Variants in VPS39 observed in about 807,000 individuals in gnomAD.
The protein encoded by VPS39 is vam6/Vps39-like protein.
In VPS39, 70 loss-of-function variants were observed where a neutral mutation model predicts 121.0. That is an observed-to-expected ratio of 0.58 (90% CI 0.48 to 0.71). The LOEUF is 0.71. VPS39 is among the 30% of genes least tolerant of loss of function. VPS39 has a pLI of 0.00. For missense variants in VPS39, 818 were observed against 1,051.5 expected (o/e 0.78, Z 3.07); for synonymous variants, 378 against 398.1 (o/e 0.95, Z 0.60).
chr15:42,178,529 C>G lies in VPS39; in HGVS notation c.760G>C (p.Val254Leu). Residue 254 changes from valine (V) to leucine (L), a missense_variant, in exon 9 of 25, where the codon GTT becomes CTT. Coordinates refer to ENST00000318006, the MANE Select transcript of VPS39 (RefSeq NM_015289.5). ...CTCGGTTCAAATGTTCGGATCTCAA[C>G]ATATCGAGGCAACACTGCAATGATG... ...PYIIAVLPRY[V>L]EIRTFEPRLL... is the part of the protein sequence containing the mutation. 3 of 1,614,142 alleles carry G rather than the reference C, an allele frequency of 1.9e-6. No homozygotes were observed. Among genetic ancestry groups the G allele is most frequent in the Middle Eastern group, 1.6e-4 (1 of 6,062 alleles).
intron 17 of VPS39, 96 bp from the exon 18 acceptor site, chr15:42,165,209 C>G (rs2049218333): frequency 4.4e-6 from 5 of 1,143,626 alleles, no homozygotes; most frequent in Non-Finnish European, 6.5e-6. Flanking sequence ...CAGGTCCCAT[C>G]CAGATTATCC....
intron 8 of VPS39, 80 bp downstream of exon 8, chr15:42,184,437 C>CTACG: frequency 6.9e-7 from 1 of 1,441,736 alleles, no homozygotes; most frequent in Non-Finnish European, 9.3e-7. Context: ...TCTGCTAAAG[C>CTACG]TACGAATGGG....
chr15:42,199,184 G>A (rs2140888437), intron 2 of VPS39, among the ~76,000 whole-genome samples: 1 of 152,282 alleles, frequency 6.6e-6, no homozygotes, highest in African/African-American at 2.4e-5. Flanking sequence ...TCTCCATAAA[G>A]AGAGCACAGA....
At chr15:42,170,511 T>G (rs992989137) in intron 11 of VPS39, among the ~76,000 whole-genome samples, 2 of 152,032 alleles carry the variant, frequency 1.3e-5, no homozygotes, top group Admixed American at 1.3e-4. Context: ...CAAAAAAATT[T>G]TTTAAAAGAG....
chr15:42,208,049 C>G, intron 1 of VPS39, 32 bp downstream of exon 1: 1 of 1,557,824 alleles, frequency 6.4e-7, no homozygotes, highest in South Asian at 1.2e-5. Flanking sequence ...CCTGTGCTGA[C>G]TCCGCCTCGG....
intron 1 of VPS39, 38 bp from the exon 2 acceptor site, chr15:42,199,999 A>C (rs182626287): frequency 9.2e-5 from 142 of 1,543,996 alleles, no homozygotes; most frequent in African/African-American, 6.6e-4. Flanking sequence ...AAAACAAAAA[A>C]AAACCAGCTT....
At chr15:42,181,149 G>A (rs2049573124) in intron 8 of VPS39, among the ~76,000 whole-genome samples, 1 of 152,068 alleles carries the variant, frequency 6.6e-6, no homozygotes, top group Non-Finnish European at 1.5e-5. Flanking sequence ...TAAACAAAAT[G>A]TGGTATATAC....
chr15:42,189,682 C>T (rs1312157011), intron 4 of VPS39, among the ~76,000 whole-genome samples: 1 of 134,822 alleles, frequency 7.4e-6, no homozygotes, highest in Non-Finnish European at 1.5e-5. Flanking sequence ...TGAGCCAGGG[C>T]TGCACCACTA....
At chr15:42,201,723 A>G (rs2050073153) in intron 1 of VPS39, among the ~76,000 whole-genome samples, 1 of 152,212 alleles carries the variant, frequency 6.6e-6, no homozygotes, top group Non-Finnish European at 1.5e-5. Context: ...AAGAGTTTAA[A>G]TAATTACCCT....
At chr15:42,178,423 G>A (rs1246617910) in intron 9 of VPS39, 27 bp downstream of exon 9, 18 of 1,614,002 alleles carry the variant, frequency 1.1e-5, no homozygotes, top group Non-Finnish European at 1.5e-5. Context: ...ATAATATACA[G>A]CCATAGCAAA....
rs768830205 is a variant in VPS39 at position 42,167,399 on chromosome 15, G to A, written c.1372C>T (p.Leu458Phe). Residue 458 changes from leucine to phenylalanine, a missense_variant, in exon 13 of 25, where the codon CTC becomes TTC. Coordinates refer to ENST00000318006, the MANE Select transcript of VPS39 (RefSeq NM_015289.5). ...CGAGCGCTCAGGTAACTCACATGGAGATAGCACTTGAGCAGGGTGGTGTCG... is the reference window on the plus strand; with the variant it reads ...CGAGCGCTCAGGTAACTCACATGGAAATAGCACTTGAGCAGGGTGGTGTCG... ...IIDTTLLKCY[L>F]HTNVALVAPL... 1.2e-6 allele frequency: 2 copies of A among 1,614,044 alleles called. No homozygotes were observed. Among genetic ancestry groups the A allele is most frequent in the African/African-American group, 2.7e-5 (2 of 74,932 alleles).
rs751592663 is a variant in VPS39, at chr15:42,167,546, G to C, written c.1234-9C>G. 1.9e-6 allele frequency: 3 copies of C among 1,613,690 alleles called. No homozygotes were observed. The highest frequency in any genetic ancestry group is 2.5e-6 in the Non-Finnish European group (3 of 1,179,858). ...ACCAATTGACTTCGTTTCTGCAAAG[G>C]TCAAAATGTGGGGTTAAGGCCAGGA... On this transcript the variant is annotated splice_polypyrimidine_tract_variant and intron_variant, in intron 12 of 24. Coordinates refer to ENST00000318006, the MANE Select transcript of VPS39 (RefSeq NM_015289.5).
Position 42,199,981 on chromosome 15 carries a change from C to CAAAA in VPS39, c.74-24_74-21dup. On this transcript the variant is annotated intron_variant, in intron 1 of 24. Transcript: ENST00000318006. Reference sequence around the variant, plus strand: ...ATTCCTCTGGAAAAACAAAACAAAACAAAAACAAAAACAAAAAAAAACCAG... The same window carrying CAAAA: ...ATTCCTCTGGAAAAACAAAACAAAACAAAAAAAAACAAAAACAAAAAAAAACCAG... The CAAAA allele has an allele frequency of 1.4e-6, 2 of 1,475,818 alleles. No individual in the cohort carries two copies. The highest frequency in any genetic ancestry group is 1.6e-5 in the African/African-American group (1 of 63,938). 91.4% of individuals were successfully genotyped at this position (1,475,818 alleles called of 1,614,324 possible).
At chr15:42,196,114 G>C (rs2049931913) in intron 2 of VPS39, among the ~76,000 whole-genome samples, 2 of 152,046 alleles carry the variant, frequency 1.3e-5, no homozygotes, top group Non-Finnish European at 2.9e-5. Flanking sequence ...AACTGGCTAG[G>C]CATATGTAGA....
At chr15:42,190,133 T>C (rs1484726348) in intron 4 of VPS39, among the ~76,000 whole-genome samples, 1 of 152,148 alleles carries the variant, frequency 6.6e-6, no homozygotes, top group African/African-American at 2.4e-5. Context: ...TCTTATACTC[T>C]GTCCATTTCA....
intron 8 of VPS39, chr15:42,178,776 G>A (rs1306248705): frequency 1.9e-5 from 12 of 624,868 alleles, no homozygotes; most frequent in East Asian, 2.9e-5. Flanking sequence ...GTTGAGGTGG[G>A]AAGGTCACGT....
At chr15:42,167,360 G>A (rs112523150) in intron 13 of VPS39, 34 bp downstream of exon 13, 123,656 of 1,611,244 alleles carry the variant, frequency 0.077, 5,757 homozygotes, top group South Asian at 0.17. Flanking sequence ...AGGGTAACTG[G>A]GAATTGTGGC....
chr15:42,161,023 G>T (rs1274100686), intron 24 of VPS39, 194 bp from the exon 25 acceptor site: 1 of 604,280 alleles, frequency 1.7e-6, no homozygotes, highest in Non-Finnish European at 3.0e-6. Context: ...ACCAAACAGA[G>T]GATGAGGTGC....
chr15:42,198,385 C>T (rs1194817196), intron 2 of VPS39, among the ~76,000 whole-genome samples: 3 of 152,130 alleles, frequency 2.0e-5, no homozygotes, highest in Non-Finnish European at 4.4e-5. Flanking sequence ...GAGACAAAGT[C>T]TGTTGCTGAG....
Sources: gnomAD v4.1 joint callset for allele counts (sites outside exome capture counted in the v4.1 genomes callset) on GRCh38, gnomAD v4.1.1 for gene constraint, MANE v1.5 for transcripts, NCBI Gene and HGNC (gene_info 2026-07-23, HGNC 2026-07-21) for gene names.